Variants in CSMD1 observed in about 807,000 individuals in gnomAD.
CSMD1 encodes the protein CUB and sushi domain-containing protein 1.
A neutral mutation model predicts 417.5 loss-of-function variants in CSMD1; 213 were observed. The ratio of observed to expected loss-of-function variants is 0.51; its 90% CI spans 0.46 to 0.57. The LOEUF (loss-of-function observed/expected upper bound fraction) is 0.57, where lower values mean the gene tolerates loss of function less well. Ranked by LOEUF, CSMD1 falls within the 20% of genes least tolerant of loss-of-function variation. The probability of loss-of-function intolerance (pLI) is 0.00; values close to 1 mark genes in which losing one functional copy is unlikely to be tolerated. For synonymous variants in CSMD1, 2,862 were observed against 1,736.8 expected (o/e 1.65, Z -16.11); for missense variants, 6,923 against 4,529.7 (o/e 1.53, Z -15.17).
At chr8:4,052,487 C>G (rs1256040045) in intron 3 of CSMD1, among the ~76,000 whole-genome samples, 1 of 152,104 alleles carries the variant, frequency 6.6e-6, no homozygotes, top group Non-Finnish European at 1.5e-5. Context: ...TACCCAGGGT[C>G]AGAGTGCAGT....
At chr8:3,131,789 T>A (rs897038649) in intron 41 of CSMD1, among the ~76,000 whole-genome samples, 1 of 152,226 alleles carries the variant, frequency 6.6e-6, no homozygotes, top group Non-Finnish European at 1.5e-5. Context: ...ACTATTTTAA[T>A]ATTATTGCCT....
At chr8:4,587,581 T>C (rs1799771333) in intron 2 of CSMD1, among the ~76,000 whole-genome samples, 1 of 152,132 alleles carries the variant, frequency 6.6e-6, no homozygotes, top group South Asian at 2.1e-4. Context: ...TTCCTAGATG[T>C]GTAAAAGAAG....
chr8:4,096,482 CA>C (rs1441584384), intron 3 of CSMD1, among the ~76,000 whole-genome samples: 11 of 152,242 alleles, frequency 7.2e-5, no homozygotes, highest in Non-Finnish European at 1.3e-4. Flanking sequence ...AGGCAATCCC[CA>C]TAGGCTCAAA....
chr8:3,254,957 GAGTTTAC>G (rs1434800268), intron 26 of CSMD1, among the ~76,000 whole-genome samples: 1 of 152,100 alleles, frequency 6.6e-6, no homozygotes, highest in Non-Finnish European at 1.5e-5. Flanking sequence ...CTGATTTTTA[GAGTTTAC>G]AGTTTTTCTG....
chr8:2,974,175 G>A (rs188677374), intron 56 of CSMD1, among the ~76,000 whole-genome samples: 23 of 152,270 alleles, frequency 1.5e-4, no homozygotes, highest in African/African-American at 5.1e-4. Flanking sequence ...AGGGACACAC[G>A]GAGCCATGGC....
At chr8:3,917,459 A>C (rs1256481711) in intron 5 of CSMD1, among the ~76,000 whole-genome samples, 3 of 152,100 alleles carry the variant, frequency 2.0e-5, no homozygotes, top group African/African-American at 7.2e-5. Flanking sequence ...GCGCACAAAT[A>C]TGTTTCCTGC....
intron 5 of CSMD1, among the ~76,000 whole-genome samples, chr8:3,874,935 C>T (rs1205254174): frequency 6.6e-6 from 1 of 152,052 alleles, no homozygotes; most frequent in African/African-American, 2.4e-5. Context: ...GACCTTGGGG[C>T]CTGACATTTA....
intron 20 of CSMD1, among the ~76,000 whole-genome samples, chr8:3,360,159 C>A (rs1377489752): frequency 6.6e-6 from 1 of 152,196 alleles, no homozygotes; most frequent in Non-Finnish European, 1.5e-5. Context: ...TATTTTCAAT[C>A]TGTAAACCAT....
At chr8:3,683,956 C>T (rs73183359) in intron 7 of CSMD1, among the ~76,000 whole-genome samples, 21,672 of 151,726 alleles carry the variant, frequency 0.14, 1,744 homozygotes, top group South Asian at 0.21. Flanking sequence ...CAATGCACAC[C>T]TTTTGCTTCA....
chr8:4,365,952 G>C (rs1802044569), intron 3 of CSMD1, among the ~76,000 whole-genome samples: 1 of 152,010 alleles, frequency 6.6e-6, no homozygotes, highest in Admixed American at 6.6e-5. Flanking sequence ...TTTAGGTTCA[G>C]GGTATCCACG....
intron 1 of CSMD1, among the ~76,000 whole-genome samples, chr8:4,688,657 G>C (rs987435745): frequency 2.5e-4 from 38 of 152,218 alleles, no homozygotes; most frequent in African/African-American, 8.4e-4. Flanking sequence ...CTTTACCTAA[G>C]AACAATGCTT....
chr8:3,658,231 T>C (rs1798228317), intron 7 of CSMD1, among the ~76,000 whole-genome samples: 1 of 152,124 alleles, frequency 6.6e-6, no homozygotes, highest in South Asian at 2.1e-4. Flanking sequence ...AAATAAAAGA[T>C]AAATACATGG....
At chr8:3,523,195 C>T (rs1483424399) in intron 10 of CSMD1, among the ~76,000 whole-genome samples, 5 of 152,198 alleles carry the variant, frequency 3.3e-5, no homozygotes, top group Non-Finnish European at 5.9e-5. Context: ...TCAAATACAA[C>T]TGTGTCCATA....
intron 1 of CSMD1, among the ~76,000 whole-genome samples, chr8:4,749,073 C>T (rs1327928550): frequency 2.6e-5 from 4 of 152,186 alleles, no homozygotes; most frequent in East Asian, 1.9e-4. Flanking sequence ...TGTGTGTGAG[C>T]GCACGCTCGC....
chr8:3,369,272 C>G lies in CSMD1; in HGVS notation c.2881G>C (p.Glu961Gln), dbSNP rs549850974. The G allele has an allele frequency of 6.4e-7, 1 of 1,568,274 alleles. No homozygotes were observed. The highest frequency in any genetic ancestry group is 1.4e-5 in the African/African-American group (1 of 74,066). The change falls in exon 19 of 70, where the codon GAA (glutamate) becomes CAA (glutamine). Residue 961 changes from glutamate to glutamine, a missense_variant. Physicochemically the swap from Glu to Gln is conservative, Grantham distance 29. Transcript: ENST00000635120. ...TTCTTACCTTTCCCATGAGACACTTCAATGGTCCACGTGCAGTTTAGAGAG... is the reference window on the plus strand; with the variant it reads ...TTCTTACCTTTCCCATGAGACACTTGAATGGTCCACGTGCAGTTTAGAGAG... ...PNSLNCTWTIEVSHGKGVQMI... is the reference protein window; with the variant it reads ...PNSLNCTWTIQVSHGKGVQMI...
At chr8:3,811,081 C>T (rs1028860399) in intron 5 of CSMD1, among the ~76,000 whole-genome samples, 3 of 152,108 alleles carry the variant, frequency 2.0e-5, no homozygotes, top group Non-Finnish European at 2.9e-5. Context: ...TTCCTGAGAT[C>T]GTGATAAAGG....
chr8:4,538,205 T>G (rs945755092), intron 2 of CSMD1, among the ~76,000 whole-genome samples: 2 of 151,146 alleles, frequency 1.3e-5, no homozygotes, highest in African/African-American at 2.4e-5. Context: ...TTTTTTTTTT[T>G]GCCTGCTATT....
chr8:3,080,258 G>C (rs191301031), intron 49 of CSMD1, among the ~76,000 whole-genome samples: 6 of 152,238 alleles, frequency 3.9e-5, no homozygotes, highest in Non-Finnish European at 7.4e-5. Flanking sequence ...GAGAATTTCA[G>C]TTCTAATTCA....
At chr8:4,489,858 G>T (rs1036185829) in intron 2 of CSMD1, among the ~76,000 whole-genome samples, 1 of 152,112 alleles carries the variant, frequency 6.6e-6, no homozygotes, top group African/African-American at 2.4e-5. Context: ...CGTAAGCAGG[G>T]TGCCCAGCCA....
Sources: gnomAD v4.1 joint callset for allele counts (sites outside exome capture counted in the v4.1 genomes callset) on GRCh38, gnomAD v4.1.1 for gene constraint, MANE v1.5 for transcripts, NCBI Gene and HGNC (gene_info 2026-07-23, HGNC 2026-07-21) for gene names.